The following COX10 variants were observed in gnomAD, a reference collection of about 807,000 sequenced individuals.
COX10 encodes the protein protoheme IX farnesyltransferase, mitochondrial.
A neutral mutation model predicts 37.3 loss-of-function variants in COX10; 27 were observed. The ratio of observed to expected loss-of-function variants is 0.72; its 90% CI spans 0.53 to 1.00. The LOEUF (loss-of-function observed/expected upper bound fraction) is 1.00, where lower values mean the gene tolerates loss of function less well. Ranked by LOEUF, COX10 falls within the 50% of genes least tolerant of loss-of-function variation. The pLI is 0.00. For synonymous variants in COX10, 222 were observed against 229.1 expected (o/e 0.97, Z 0.28); for missense variants, 475 against 563.2 (o/e 0.84, Z 1.59).
intron 6 of COX10, among the ~76,000 whole-genome samples, chr17:14,192,633 T>C (rs954565841): frequency 7.2e-4 from 109 of 152,272 alleles, no homozygotes; most frequent in South Asian, 1.9e-3. Flanking sequence ...CAGCCTCCTG[T>C]GTTCCCCTCT....
chr17:14,079,799 A>G (rs1268227606), intron 3 of COX10, among the ~76,000 whole-genome samples: 1 of 152,044 alleles, frequency 6.6e-6, no homozygotes, highest in Non-Finnish European at 1.5e-5. Context: ...ATATGCAGAT[A>G]GAGCTATGGT....
At chr17:14,141,160 T>C (rs935199891) in intron 4 of COX10, among the ~76,000 whole-genome samples, 1 of 151,826 alleles carries the variant, frequency 6.6e-6, no homozygotes, top group Non-Finnish European at 1.5e-5. Context: ...CGTTCGAAAA[T>C]AATTATTATT....
rs528733687 is a variant in COX10, at chr17:14,102,136, C to A, written c.518C>A (p.Thr173Asn). The change falls in exon 4 of 7, where the codon ACT becomes AAT. Residue 173 changes from threonine (T) to asparagine (N), a missense_variant. Physicochemically the swap from Thr to Asn is moderately conservative, Grantham distance 65 (BLOSUM62 0). Coordinates refer to ENST00000261643, the MANE Select transcript of COX10 (RefSeq NM_001303.4). ...IKLTALVVST[T>N]AAGFALAPGP... is the part of the protein sequence containing the mutation. ...ATCGCAGCTCTGGTTGTAAGTACCACTGCAGCTGGATTTGCATTGGCTCCG... is the reference window on the plus strand; with the variant it reads ...ATCGCAGCTCTGGTTGTAAGTACCAATGCAGCTGGATTTGCATTGGCTCCG... 8.7e-6 allele frequency: 14 copies of A among 1,613,700 alleles called. No individual in the cohort carries two copies. The South Asian group carries it at 1.5e-4, about 18-fold the overall frequency.
At chr17:14,182,634 G>A (rs1264819839) in intron 5 of COX10, among the ~76,000 whole-genome samples, 3 of 151,940 alleles carry the variant, frequency 2.0e-5, no homozygotes, top group Admixed American at 6.6e-5. Context: ...TGGGATTTAC[G>A]CAGGAAATTA....
chr17:14,110,465 G>A (rs559539995), intron 4 of COX10, among the ~76,000 whole-genome samples: 23 of 152,182 alleles, frequency 1.5e-4, no homozygotes, highest in African/African-American at 5.5e-4. Context: ...ATGATACAAT[G>A]TGGACTTGGG....
chr17:14,128,011 AC>A (rs1445512067), intron 4 of COX10, among the ~76,000 whole-genome samples: 1 of 151,260 alleles, frequency 6.6e-6, no homozygotes, highest in Non-Finnish European at 1.5e-5. Context: ...CCTAGCCAGT[AC>A]CTCAAATTTG....
intron 3 of COX10, among the ~76,000 whole-genome samples, chr17:14,080,572 G>C (rs912900748): frequency 6.6e-6 from 1 of 152,152 alleles, no homozygotes; most frequent in African/African-American, 2.4e-5. Flanking sequence ...GTCTTTACCA[G>C]TTTCGCCAAT....
intron 4 of COX10, among the ~76,000 whole-genome samples, chr17:14,119,386 C>A (rs561775811): frequency 1.3e-5 from 2 of 152,120 alleles, no homozygotes; most frequent in South Asian, 4.2e-4. Flanking sequence ...CCTGTTATGT[C>A]TTCAACTGAG....
At chr17:14,195,824 G>C (rs566904585) in intron 6 of COX10, among the ~76,000 whole-genome samples, 1 of 152,260 alleles carries the variant, frequency 6.6e-6, no homozygotes, top group Non-Finnish European at 1.5e-5. Flanking sequence ...TGATGCCCCT[G>C]GTCCAGGGAC....
chr17:14,174,681 T>C (rs1905602622), intron 5 of COX10, among the ~76,000 whole-genome samples: 1 of 152,082 alleles, frequency 6.6e-6, no homozygotes, highest in South Asian at 2.1e-4. Flanking sequence ...AGCTCTCTTT[T>C]ATTGCTAGTG....
chr17:14,092,653 A>G (rs1915555065), intron 3 of COX10, among the ~76,000 whole-genome samples: 3 of 152,168 alleles, frequency 2.0e-5, no homozygotes, highest in African/African-American at 7.2e-5. Flanking sequence ...GAAGACAACT[A>G]TATTATGTGG....
At chr17:14,120,635 A>C (rs928449953) in intron 4 of COX10, among the ~76,000 whole-genome samples, 1 of 152,142 alleles carries the variant, frequency 6.6e-6, no homozygotes, top group Non-Finnish European at 1.5e-5. Context: ...CCACAGTGAG[A>C]CAGAATTCCA....
chr17:14,147,484 C>T (rs777586108), intron 4 of COX10, among the ~76,000 whole-genome samples: 5 of 151,844 alleles, frequency 3.3e-5, no homozygotes, highest in Non-Finnish European at 5.9e-5. Context: ...AGTAGAAGGA[C>T]GGTTACCAGA....
At chr17:14,163,950 G>A (rs889119644) in intron 5 of COX10, among the ~76,000 whole-genome samples, 3 of 152,050 alleles carry the variant, frequency 2.0e-5, no homozygotes, top group Non-Finnish European at 4.4e-5. Flanking sequence ...TGTAGATGGT[G>A]TAAAGCCTTT....
At chr17:14,077,751 G>A (rs946694624) in intron 3 of COX10, among the ~76,000 whole-genome samples, 13 of 152,138 alleles carry the variant, frequency 8.5e-5, no homozygotes, top group South Asian at 6.2e-4. Flanking sequence ...CAACTTGAGG[G>A]AGACCTGGTT....
At chr17:14,182,128 TA>T (rs1905882430) in intron 5 of COX10, 1 of 984,000 alleles carries the variant, frequency 1.0e-6, no homozygotes, top group Non-Finnish European at 1.2e-6. Context: ...AAATTATTAA[TA>T]TAATACCACA....
intron 5 of COX10, among the ~76,000 whole-genome samples, chr17:14,166,984 G>A (rs1905308635): frequency 6.6e-6 from 1 of 151,898 alleles, no homozygotes; most frequent in Non-Finnish European, 1.5e-5. Flanking sequence ...TGATTCCTCT[G>A]ATGGATCTGG....
At chr17:14,154,358 G>A (rs577328378) in intron 4 of COX10, among the ~76,000 whole-genome samples, 3 of 152,168 alleles carry the variant, frequency 2.0e-5, no homozygotes, top group Admixed American at 6.5e-5. Context: ...TTTATATACC[G>A]ACTAGAGTGA....
chr17:14,101,319 T>C (rs62055182), intron 3 of COX10, among the ~76,000 whole-genome samples: 25,138 of 152,140 alleles, frequency 0.17, 2,537 homozygotes, highest in East Asian at 0.42. Flanking sequence ...TCTTCCTTTC[T>C]CTTCATCCTC....
Sources: gnomAD v4.1 joint callset for allele counts (sites outside exome capture counted in the v4.1 genomes callset) on GRCh38, gnomAD v4.1.1 for gene constraint, MANE v1.5 for transcripts, NCBI Gene and HGNC (gene_info 2026-07-23, HGNC 2026-07-21) for gene names.